MCTP1: variants seen among roughly 807,000 people sequenced by gnomAD.
MCTP1 encodes multiple C2 and transmembrane domain-containing protein 1.
A neutral mutation model predicts 120.6 loss-of-function variants in MCTP1; 69 were observed. The observed-to-expected ratio is 0.57, with a 90% confidence interval of 0.47 to 0.70. The LOEUF (loss-of-function observed/expected upper bound fraction) is 0.70, where lower values mean the gene tolerates loss of function less well. MCTP1 is among the 30% of genes least tolerant of loss of function. MCTP1 has a pLI of 0.00. For synonymous variants in MCTP1, 529 were observed against 493.1 expected, an observed-to-expected ratio of 1.07 and a Z score of -0.96; for missense variants, 1,203 against 1,248.8, an observed-to-expected ratio of 0.96 and a Z score of 0.55.
chr5:95,282,583 C>T (rs907874692), intron 1 of MCTP1, among the ~76,000 whole-genome samples: 2 of 152,304 alleles, frequency 1.3e-5, no homozygotes, highest in Middle Eastern at 3.4e-3. Flanking sequence ...AAAACAGGGG[C>T]TCTATCCAGT....
intron 2 of MCTP1, among the ~76,000 whole-genome samples, chr5:94,995,167 A>G (rs1832370006): frequency 1.3e-5 from 2 of 152,182 alleles, no homozygotes; most frequent in African/African-American, 4.8e-5. Context: ...GCTGACTAAG[A>G]CGGGGGGCAG....
At chr5:94,721,077 A>G (rs1159615486) in intron 19 of MCTP1, among the ~76,000 whole-genome samples, 1 of 152,192 alleles carries the variant, frequency 6.6e-6, no homozygotes, top group African/African-American at 2.4e-5. Context: ...AGTTCCTACA[A>G]AGAATTCCTT....
Position 95,153,134 on chromosome 5 carries a change from C to A in MCTP1, c.720+130722G>T, listed in dbSNP as rs531255172. On this transcript the variant is annotated intron_variant, in intron 1 of 22. Transcript: ENST00000515393. ...TGATCCCCACGTGTTGATGGAGGGACTAGTTGGGAGGTCACTGGATCATGG... is the reference window on the plus strand; with the variant it reads ...TGATCCCCACGTGTTGATGGAGGGAATAGTTGGGAGGTCACTGGATCATGG... Among the ~76,000 whole-genome samples, 11 of 152,220 alleles carry A rather than the reference C, an allele frequency of 7.2e-5. No individual in the cohort carries two copies. In the South Asian group the frequency reaches 1.0e-3, roughly 14 times the overall value.
At chr5:95,206,661 A>G (rs1751654673) in intron 1 of MCTP1, among the ~76,000 whole-genome samples, 2 of 152,112 alleles carry the variant, frequency 1.3e-5, no homozygotes, top group South Asian at 4.1e-4. Flanking sequence ...CAGCCTCCTG[A>G]GTAGCTGGGA....
intron 2 of MCTP1, among the ~76,000 whole-genome samples, chr5:94,976,172 C>A (rs1828051992): frequency 6.6e-6 from 1 of 152,152 alleles, no homozygotes; most frequent in African/African-American, 2.4e-5. Flanking sequence ...ACTTCTACAA[C>A]AGTAAGCATT....
chr5:94,809,441 A>C (rs1469567340), intron 17 of MCTP1, among the ~76,000 whole-genome samples: 1 of 152,088 alleles, frequency 6.6e-6, no homozygotes, highest in African/African-American at 2.4e-5. Flanking sequence ...TTGTGAATTT[A>C]ATGTTAGTAA....
intron 19 of MCTP1, among the ~76,000 whole-genome samples, chr5:94,751,603 G>A (rs769730814): frequency 2.0e-5 from 3 of 152,228 alleles, no homozygotes; most frequent in Admixed American, 6.5e-5. Flanking sequence ...CTCCTGCCTG[G>A]TGGAATGTGA....
intron 1 of MCTP1, among the ~76,000 whole-genome samples, chr5:95,083,504 A>T (rs185674947): frequency 1.9e-3 from 297 of 152,308 alleles, no homozygotes; most frequent in African/African-American, 6.8e-3. Flanking sequence ...TGGGCATGTG[A>T]CCCACGCTGG....
intron 1 of MCTP1, among the ~76,000 whole-genome samples, chr5:95,128,132 A>G (rs1235373494): frequency 6.6e-6 from 1 of 152,244 alleles, no homozygotes; most frequent in African/African-American, 2.4e-5. Flanking sequence ...AAGGCTAAAC[A>G]GGAAAAAGTA....
chr5:94,845,275 C>A (rs1326182800), intron 17 of MCTP1, among the ~76,000 whole-genome samples: 1 of 152,122 alleles, frequency 6.6e-6, no homozygotes, highest in African/African-American at 2.4e-5. Flanking sequence ...GAAGGAAGAG[C>A]AACGTCACAT....
chr5:95,233,982 G>A (rs1477244291), intron 1 of MCTP1, among the ~76,000 whole-genome samples: 1 of 149,070 alleles, frequency 6.7e-6, no homozygotes, highest in Non-Finnish European at 1.5e-5. Flanking sequence ...CAATAAAACT[G>A]ATAAACCTTG....
At chr5:95,215,697 G>C (rs1176719471) in intron 1 of MCTP1, among the ~76,000 whole-genome samples, 1 of 151,794 alleles carries the variant, frequency 6.6e-6, no homozygotes, top group Non-Finnish European at 1.5e-5. Context: ...GTTAGAGATG[G>C]AGCACCTATC....
intron 1 of MCTP1, among the ~76,000 whole-genome samples, chr5:95,278,780 T>A (rs1424578569): frequency 6.6e-6 from 1 of 151,530 alleles, no homozygotes; most frequent in African/African-American, 2.4e-5. Context: ...CTAACCAACA[T>A]GGAGACACCC....
intron 2 of MCTP1, among the ~76,000 whole-genome samples, chr5:94,962,716 A>T (rs1388343387): frequency 6.6e-6 from 1 of 152,004 alleles, no homozygotes; most frequent in Non-Finnish European, 1.5e-5. Flanking sequence ...TTTGGGACTC[A>T]GGGGGAAAGG....
intron 1 of MCTP1, among the ~76,000 whole-genome samples, chr5:95,206,278 G>T (rs376806445): frequency 3.9e-5 from 6 of 152,290 alleles, no homozygotes; most frequent in Middle Eastern, 3.4e-3. Flanking sequence ...ATTACATACT[G>T]TAATTCCATT....
At chr5:95,156,236 G>A (rs1261666935) in intron 1 of MCTP1, among the ~76,000 whole-genome samples, 1 of 152,182 alleles carries the variant, frequency 6.6e-6, no homozygotes, top group Non-Finnish European at 1.5e-5. Flanking sequence ...CGGAGACTGA[G>A]ATAAGAAATT....
chr5:94,963,109 C>T (rs1824692988), intron 2 of MCTP1, among the ~76,000 whole-genome samples: 1 of 152,078 alleles, frequency 6.6e-6, no homozygotes, highest in Non-Finnish European at 1.5e-5. Context: ...TCTAAAGGCT[C>T]TACCTCTTAA....
chr5:95,138,250 A>C (rs754913608), intron 1 of MCTP1, among the ~76,000 whole-genome samples: 1 of 146,754 alleles, frequency 6.8e-6, no homozygotes, highest in Non-Finnish European at 1.5e-5. Context: ...CCCGACATTA[A>C]AATAATATGT....
chr5:94,777,723 A>T (rs1489360713), intron 19 of MCTP1, among the ~76,000 whole-genome samples: 1 of 152,160 alleles, frequency 6.6e-6, no homozygotes, highest in African/African-American at 2.4e-5. Context: ...TTAGCAATAA[A>T]TCATATCATT....
Sources: allele counts gnomAD v4.1 joint callset (sites outside exome capture counted in the v4.1 genomes callset), GRCh38; gene constraint gnomAD v4.1.1; transcripts MANE v1.5; gene names NCBI Gene and HGNC (gene_info 2026-07-23, HGNC 2026-07-21).